The following NHLRC2 variants were observed in gnomAD, a reference collection of about 807,000 sequenced individuals.
The protein encoded by NHLRC2 is NHL repeat-containing protein 2.
Under a neutral mutation model 68.1 loss-of-function variants are expected in NHLRC2, and 33 were observed. The ratio of observed to expected loss-of-function variants is 0.48; its 90% CI spans 0.37 to 0.65. The LOEUF (loss-of-function observed/expected upper bound fraction) is 0.65. Among genes scored for constraint, NHLRC2 ranks in the 30% least tolerant of loss-of-function variants. The pLI is 0.00. For synonymous variants in NHLRC2, 311 were observed against 309.6 expected (o/e 1.00, Z -0.05); for missense variants, 761 against 853.8 (o/e 0.89, Z 1.35).
At position 113,911,238 on chromosome 10, in the gene NHLRC2, T is replaced by C. The variant is rs1323887897; in HGVS notation, c.*2702T>C. The C allele has an allele frequency of 6.6e-6, 1 of 152,160 alleles. No homozygotes were observed. The highest frequency in any genetic ancestry group is 1.5e-5 in the Non-Finnish European group (1 of 67,994). The allele number at this position is 152,160 out of a possible 1,614,324, so 9.4% of individuals were successfully genotyped here. ...TTGTCGCTATTTTTTTCCTCTCCTC[T>C]TTATTATTTCACAAATGGTAGAATT... On this transcript the variant is annotated 3_prime_UTR_variant, in exon 11 of 11. Transcript: ENST00000369301.
rs1846229872 is a variant in NHLRC2, at chr10:113,901,655, G to A, written c.1140-11G>A. On this transcript the variant is annotated splice_polypyrimidine_tract_variant and intron_variant, in intron 6 of 10. Transcript: ENST00000369301. ...ACATGTTGACTCCACCTATGAACTT[G>A]TCTTTTTCAGTGAGTTAACAAAAGG... 3.2e-6 allele frequency: 5 copies of A among 1,583,208 alleles called. No individual in the cohort carries two copies. Among genetic ancestry groups the A allele is most frequent in the East Asian group, 2.2e-5 (1 of 44,754 alleles).
chr10:113,855,638 T>TTTTGTTTTGA (rs1845744559), intron 1 of NHLRC2, among the ~76,000 whole-genome samples: 1 of 144,840 alleles, frequency 6.9e-6, no homozygotes, highest in African/African-American at 2.8e-5. Flanking sequence ...TGGCTAGTTG[T>TTTTGTTTTGA]TTTGTTTTGT....
At chr10:113,865,289 C>G (rs575453035) in intron 2 of NHLRC2, among the ~76,000 whole-genome samples, 20 of 139,978 alleles carry the variant, frequency 1.4e-4, no homozygotes, top group African/African-American at 2.8e-4. Context: ...CATCCCCCCC[C>G]CCCGTTCCTC....
chr10:113,903,567 T>C lies in NHLRC2; in HGVS notation c.1535T>C (p.Leu512Ser). The change falls in exon 9 of 11, where the codon TTA becomes TCA. Residue 512 changes from leucine (L) to serine (S), a missense_variant. Transcript: ENST00000369301. ...VDPKTKNCTTLAGTGDTNNVT... is the reference protein window; with the variant it reads ...VDPKTKNCTTSAGTGDTNNVT... Reference sequence around the variant, plus strand: ...CCAAAAACAAAAAACTGTACAACATTAGCAGGAACTGGAGACACAAATAAT... The same window carrying C: ...CCAAAAACAAAAAACTGTACAACATCAGCAGGAACTGGAGACACAAATAAT... 1 of 1,611,952 alleles carries C rather than the reference T, an allele frequency of 6.2e-7. No homozygotes were observed. Among genetic ancestry groups the C allele is most frequent in the Non-Finnish European group, 8.5e-7 (1 of 1,178,916 alleles).
chr10:113,860,523 C>T (rs934144098), intron 2 of NHLRC2, among the ~76,000 whole-genome samples: 4 of 151,774 alleles, frequency 2.6e-5, no homozygotes, highest in South Asian at 2.1e-4. Flanking sequence ...GAAGTACAGC[C>T]CATTCAAGAA....
Position 113,884,291 on chromosome 10 carries a change from T to C in NHLRC2, c.950T>C (p.Ile317Thr), listed in dbSNP as rs536340589. The change falls in exon 5 of 11, where the codon ATT (isoleucine) becomes ACT (threonine). Residue 317 changes from isoleucine to threonine, a missense_variant. Ile to Thr is a moderately conservative substitution (Grantham distance 89, BLOSUM62 -1). Coordinates refer to ENST00000369301, the MANE Select transcript of NHLRC2 (RefSeq NM_198514.4). ...EAEKVSTVAG[I>T]GIQGTDKEGG... ...GAGAAGGTGAGCACTGTAGCTGGTATTGGAATTCAAGGTACAGATAAAGAA... is the reference window on the plus strand; with the variant it reads ...GAGAAGGTGAGCACTGTAGCTGGTACTGGAATTCAAGGTACAGATAAAGAA... 1.9e-5 allele frequency: 31 copies of C among 1,610,578 alleles called. No homozygotes were observed. The East Asian group carries it at 6.9e-4, about 36-fold the overall frequency.
At chr10:113,898,977 G>C (rs1203787459) in intron 6 of NHLRC2, among the ~76,000 whole-genome samples, 2 of 152,122 alleles carry the variant, frequency 1.3e-5, no homozygotes, top group African/African-American at 2.4e-5. Context: ...TGTCTGCAAA[G>C]TTTCTCATAT....
At chr10:113,869,234 A>C (rs1477700477) in intron 2 of NHLRC2, among the ~76,000 whole-genome samples, 1 of 152,198 alleles carries the variant, frequency 6.6e-6, no homozygotes, top group Admixed American at 6.5e-5. Context: ...ATGGATGATG[A>C]GAGTGGGCTG....
At position 113,879,491 on chromosome 10, in the gene NHLRC2, C is replaced by T. The variant is rs879225059; in HGVS notation, c.788-83C>T. The T allele has an allele frequency of 5.2e-5, 62 of 1,185,240 alleles. 1 individual carries two copies. In the South Asian group the frequency reaches 7.9e-4, roughly 15 times the overall value. The allele number at this position is 1,185,240 out of a possible 1,614,324, so 73.4% of individuals were successfully genotyped here. On this transcript the variant is annotated intron_variant, in intron 3 of 10. Coordinates refer to ENST00000369301, the MANE Select transcript of NHLRC2 (RefSeq NM_198514.4). ...ATACCATTTTTTTATATTAAAATCC[C>T]AGCATTAAATACAAGTTTGTTTTGT...
chr10:113,858,830 T>C, intron 2 of NHLRC2, 150 bp downstream of exon 2: 1 of 523,926 alleles, frequency 1.9e-6, no homozygotes, highest in Non-Finnish European at 3.4e-6. Flanking sequence ...AGACTTCATG[T>C]ACCTTTTCAT....
chr10:113,888,988 G>A (rs1022110643), intron 5 of NHLRC2, among the ~76,000 whole-genome samples: 9 of 151,690 alleles, frequency 5.9e-5, no homozygotes, highest in Admixed American at 5.3e-4. Context: ...CACCATGCCT[G>A]GCTAATTTTT....
At chr10:113,900,399 C>G (rs1846217304) in intron 6 of NHLRC2, among the ~76,000 whole-genome samples, 1 of 152,138 alleles carries the variant, frequency 6.6e-6, no homozygotes, top group Non-Finnish European at 1.5e-5. Flanking sequence ...ATATGCTGTT[C>G]TGGGTGATGG....
intron 4 of NHLRC2, among the ~76,000 whole-genome samples, chr10:113,879,986 A>T (rs1277142806): frequency 6.6e-6 from 1 of 152,048 alleles, no homozygotes; most frequent in African/African-American, 2.4e-5. Flanking sequence ...CCTAACCACT[A>T]GTTTACAATG....
chr10:113,888,573 C>T (rs1051784349), intron 5 of NHLRC2, among the ~76,000 whole-genome samples: 2 of 151,744 alleles, frequency 1.3e-5, no homozygotes, highest in Non-Finnish European at 2.9e-5. Context: ...CTGACTATGC[C>T]GTATAGTTAT....
intron 2 of NHLRC2, among the ~76,000 whole-genome samples, chr10:113,864,142 ATAC>A (rs1365520809): frequency 6.6e-6 from 1 of 152,224 alleles, no homozygotes; most frequent in Non-Finnish European, 1.5e-5. Context: ...AAAAATTCAA[ATAC>A]TACATAATTT....
rs1276574606 is a variant in NHLRC2 at position 113,854,839 on chromosome 10, G to GGCCCGGCGGCCGCATCGGGA, written c.-24_-5dup. On this transcript the variant is annotated 5_prime_UTR_variant, in exon 1 of 11. Coordinates refer to ENST00000369301, the MANE Select transcript of NHLRC2 (RefSeq NM_198514.4). ...TCTCTCCCAGCGAGACTCTCCCGCG[G>GGCCCGGCGGCCGCATCGGGA]GCCCGGCGGCCGCATCGGGAGCCCG... The GGCCCGGCGGCCGCATCGGGA allele has an allele frequency of 7.2e-6, 11 of 1,522,150 alleles. No homozygotes were observed. The highest frequency in any genetic ancestry group is 4.2e-5 in the African/African-American group (3 of 71,966). The allele number at this position is 1,522,150 out of a possible 1,614,324, so 94.3% of individuals were successfully genotyped here.
At position 113,898,093 on chromosome 10, in the gene NHLRC2, G is replaced by A. The variant is rs1484667794; in HGVS notation, c.1040-17G>A. The A allele has an allele frequency of 6.8e-7, 1 of 1,472,522 alleles. No homozygotes were observed. Among genetic ancestry groups the A allele is most frequent in the Non-Finnish European group, 9.4e-7 (1 of 1,059,166 alleles). 91.2% of individuals were successfully genotyped at this position (1,472,522 alleles called of 1,614,324 possible). On this transcript the variant is annotated splice_polypyrimidine_tract_variant and intron_variant, in intron 5 of 10. Transcript: ENST00000369301. ...AACCAGATATGTATATAATAATAAT[G>A]ATTTATTTTTATAAAGGTTCAGAGG...
Position 113,915,435 on chromosome 10 carries a change from TG to T in NHLRC2, c.*6901del, listed in dbSNP as rs2134751299. The T allele has an allele frequency of 2.9e-6, 1 of 349,800 alleles. No homozygotes were observed. The highest frequency in any genetic ancestry group is 7.5e-5 in the East Asian group (1 of 13,278). 21.7% of individuals were successfully genotyped at this position (349,800 alleles called of 1,614,324 possible). A position where few individuals can be genotyped will look rare whatever the true frequency, so the allele number is the denominator to read the frequency against. On this transcript the variant is annotated 3_prime_UTR_variant, in exon 11 of 11. Transcript: ENST00000369301. ...TTTAAGTAATATAGCATTAAGCAAA[TG>T]GTCAGTTATTTTTTAATGTTGAAAA...
At chr10:113,865,973 A>G (rs891942707) in intron 2 of NHLRC2, among the ~76,000 whole-genome samples, 4 of 152,226 alleles carry the variant, frequency 2.6e-5, no homozygotes, top group Non-Finnish European at 5.9e-5. Context: ...ATGTTCTCGA[A>G]GTGACATTTG....
Sources: gnomAD v4.1 joint callset for allele counts (sites outside exome capture counted in the v4.1 genomes callset) on GRCh38, gnomAD v4.1.1 for gene constraint, MANE v1.5 for transcripts, NCBI Gene and HGNC (gene_info 2026-07-23, HGNC 2026-07-21) for gene names.